The following FGF12 variants were observed in gnomAD, a reference collection of about 807,000 sequenced individuals.
FGF12 encodes fibroblast growth factor 12B.
A neutral mutation model predicts 23.6 loss-of-function variants in FGF12; 14 were observed. The ratio of observed to expected loss-of-function variants is 0.59; its 90% CI spans 0.39 to 0.93. The LOEUF is 0.93. Ranked by LOEUF, FGF12 falls within the 40% of genes least tolerant of loss-of-function variation. The pLI is 0.00. For synonymous variants in FGF12, 62 were observed against 77.3 expected (o/e 0.80, Z 1.04); for missense variants, 175 against 217.8 (o/e 0.80, Z 1.24).
intron 4 of FGF12, chr3:192,244,702 A>T (rs1719794152): frequency 6.6e-6 from 1 of 152,218 alleles, no homozygotes; most frequent in African/African-American, 2.4e-5. Context: ...AAAGATTATT[A>T]TGATAAACCT....
chr3:192,169,615 C>T (rs1715428168), intron 5 of FGF12, among the ~76,000 whole-genome samples: 2 of 152,050 alleles, frequency 1.3e-5, no homozygotes, highest in African/African-American at 4.8e-5. Context: ...CACAGAGTTG[C>T]AATGCACTGC....
chr3:192,505,183 A>AG (rs1724256717), intron 2 of FGF12, among the ~76,000 whole-genome samples: 1 of 152,196 alleles, frequency 6.6e-6, no homozygotes, highest in Non-Finnish European at 1.5e-5. Context: ...TTAAAAAAAA[A>AG]GAAACAAAAA....
chr3:192,195,120 C>T (rs1039494985), intron 4 of FGF12, among the ~76,000 whole-genome samples: 1 of 152,214 alleles, frequency 6.6e-6, no homozygotes, highest in Non-Finnish European at 1.5e-5. Context: ...CAATTGCTTA[C>T]CTCTTTCAAC....
chr3:192,666,937 A>AGATAGAT (rs1195618763), intron 2 of FGF12, among the ~76,000 whole-genome samples: 4 of 152,004 alleles, frequency 2.6e-5, no homozygotes, highest in Non-Finnish European at 4.4e-5. Flanking sequence ...ATAGATAGAT[A>AGATAGAT]GATAGATAGA....
At chr3:192,639,038 T>G (rs1715689695) in intron 2 of FGF12, among the ~76,000 whole-genome samples, 1 of 152,160 alleles carries the variant, frequency 6.6e-6, no homozygotes, top group Non-Finnish European at 1.5e-5. Flanking sequence ...AAAAAATATT[T>G]GCAAACCATA....
chr3:192,323,478 T>C (rs1716652471), intron 4 of FGF12, among the ~76,000 whole-genome samples: 1 of 152,178 alleles, frequency 6.6e-6, no homozygotes, highest in Non-Finnish European at 1.5e-5. Flanking sequence ...ACAAGCATCA[T>C]ATGTTCTTAT....
At chr3:192,476,433 T>A (rs1723327188) in intron 2 of FGF12, among the ~76,000 whole-genome samples, 1 of 152,204 alleles carries the variant, frequency 6.6e-6, no homozygotes, top group Non-Finnish European at 1.5e-5. Flanking sequence ...TTAACCCTGA[T>A]GAATTACTCA....
At chr3:192,718,622 T>C (rs1718938858) in intron 2 of FGF12, among the ~76,000 whole-genome samples, 1 of 152,160 alleles carries the variant, frequency 6.6e-6, no homozygotes, top group Non-Finnish European at 1.5e-5. Flanking sequence ...ACAGCGTCTT[T>C]TCCACAAGGC....
intron 2 of FGF12, among the ~76,000 whole-genome samples, chr3:192,632,046 T>TGG: frequency 6.6e-6 from 1 of 152,178 alleles, no homozygotes; most frequent in Non-Finnish European, 1.5e-5. Context: ...CGCAAACAAA[T>TGG]TAGCCAACAG....
chr3:192,432,000 C>T (rs1560109165), intron 2 of FGF12, among the ~76,000 whole-genome samples: 1 of 152,152 alleles, frequency 6.6e-6, no homozygotes. Context: ...CCACTGGCAG[C>T]CCTTTATCCA....
At chr3:192,418,285 C>G (rs1721415074) in intron 2 of FGF12, among the ~76,000 whole-genome samples, 1 of 152,094 alleles carries the variant, frequency 6.6e-6, no homozygotes, top group African/African-American at 2.4e-5. Flanking sequence ...ATAGAAATAA[C>G]AAACATAATT....
intron 3 of FGF12, among the ~76,000 whole-genome samples, chr3:192,350,853 C>G (rs1718187443): frequency 6.6e-6 from 1 of 152,130 alleles, no homozygotes; most frequent in Non-Finnish European, 1.5e-5. Flanking sequence ...TTCGTTTTAT[C>G]TTTTAACTGG....
chr3:192,682,744 C>A (rs952218702), intron 2 of FGF12, among the ~76,000 whole-genome samples: 1 of 152,098 alleles, frequency 6.6e-6, no homozygotes, highest in Admixed American at 6.5e-5. Flanking sequence ...TCTCTGGATG[C>A]GGGCTAGTCC....
At chr3:192,302,628 C>A (rs74917909) in intron 4 of FGF12, among the ~76,000 whole-genome samples, 2,347 of 152,198 alleles carry the variant, frequency 0.015, 63 homozygotes, top group African/African-American at 0.055. Flanking sequence ...AGTCATTCAA[C>A]GGGCTCAGAA....
chr3:192,449,155 C>T (rs1374079596), intron 2 of FGF12, among the ~76,000 whole-genome samples: 1 of 152,162 alleles, frequency 6.6e-6, no homozygotes, highest in African/African-American at 2.4e-5. Context: ...CCTTCATTAC[C>T]TACTTGGCAA....
Position 192,718,477 on chromosome 3 carries a change from G to T in FGF12, c.13+8704C>A, listed in dbSNP as rs148246742. On this transcript the variant is annotated intron_variant, in intron 2 of 5. Coordinates refer to ENST00000445105, the MANE Select transcript of FGF12 (RefSeq NM_004113.6). ...ACAAATGCTGGTTCTTTCAATCCCA[G>T]AAGTGAAAAGAATCTTGCCTCTAAT... Among the ~76,000 whole-genome samples the T allele has an allele frequency of 4.2e-3, 644 of 152,176 alleles. 3 individuals carry two copies. The highest frequency in any genetic ancestry group is 0.015 in the African/African-American group (620 of 41,518).
chr3:192,217,104 C>A (rs1193353585), intron 4 of FGF12, among the ~76,000 whole-genome samples: 1 of 152,166 alleles, frequency 6.6e-6, no homozygotes, highest in East Asian at 1.9e-4. Context: ...TTCACATCCC[C>A]ACCCAGCCGA....
chr3:192,567,801 CTCTTTCTTTCTT>C (rs1201468224), intron 2 of FGF12, among the ~76,000 whole-genome samples: 1 of 103,988 alleles, frequency 9.6e-6, no homozygotes, highest in East Asian at 2.6e-4. Context: ...TTCTTTCTTT[CTCTTTCTTTCTT>C]TCTCTCTCTC....
At position 192,593,486 on chromosome 3, in the gene FGF12, G is replaced by A. The variant is rs139962157; in HGVS notation, c.13+133695C>T. Among the ~76,000 whole-genome samples, 48 of 151,990 alleles carry A rather than the reference G, an allele frequency of 3.2e-4. No homozygotes were observed. The East Asian group carries it at 9.1e-3, about 29-fold the overall frequency. On this transcript the variant is annotated intron_variant, in intron 2 of 5. Transcript: ENST00000445105. ...CCACCCATTGGAACATAAACTCCATGAGAACACATTATTTTGTTTGCTACT... is the reference window on the plus strand; with the variant it reads ...CCACCCATTGGAACATAAACTCCATAAGAACACATTATTTTGTTTGCTACT...
Sources: gnomAD v4.1 joint callset for allele counts (sites outside exome capture counted in the v4.1 genomes callset) on GRCh38, gnomAD v4.1.1 for gene constraint, MANE v1.5 for transcripts, NCBI Gene and HGNC (gene_info 2026-07-23, HGNC 2026-07-21) for gene names.